The following NSMCE1 variants were observed in gnomAD, a reference collection of about 807,000 sequenced individuals.
The protein encoded by NSMCE1 is NSE1 component of SMC5/6 complex, also known as non-structural maintenance of chromosomes element 1 homolog.
NSMCE1 carries 18 observed loss-of-function variants against 29.6 expected under a neutral mutation model. The ratio of observed to expected loss-of-function variants is 0.61; its 90% confidence interval spans 0.42 to 0.90. NSMCE1 has a LOEUF of 0.90. Ranked by LOEUF, NSMCE1 falls within the 40% of genes least tolerant of loss-of-function variation. NSMCE1 has a pLI of 0.00. For missense variants in NSMCE1, 314 were observed against 343.6 expected, an observed-to-expected ratio of 0.91 and a Z score of 0.68; for synonymous variants, 124 against 133.4, an observed-to-expected ratio of 0.93 and a Z score of 0.49.
chr16:27,237,442 G>A (rs1324069896), intron 2 of NSMCE1, among the ~76,000 whole-genome samples: 1 of 152,238 alleles, frequency 6.6e-6, no homozygotes, highest in African/African-American at 2.4e-5. Context: ...GCAGCTCTTT[G>A]CTGGCGTGGG....
At chr16:27,231,274 T>C (rs748141883) in intron 5 of NSMCE1, among the ~76,000 whole-genome samples, 2 of 152,224 alleles carry the variant, frequency 1.3e-5, no homozygotes, top group Non-Finnish European at 2.9e-5. Context: ...ATTGAGCAGT[T>C]GAGGTGCCAG....
chr16:27,237,941 C>T (rs866153178), intron 2 of NSMCE1, among the ~76,000 whole-genome samples: 5 of 152,292 alleles, frequency 3.3e-5, no homozygotes, highest in Middle Eastern at 6.8e-3. Flanking sequence ...CCGTTCTCTC[C>T]GCTATCGCCC....
Position 27,226,768 on chromosome 16 carries a change from G to A in NSMCE1, c.552C>T (p.Tyr184=). The A allele has an allele frequency of 6.2e-7, 1 of 1,613,974 alleles. No individual in the cohort carries two copies. The highest frequency in any genetic ancestry group is 2.2e-5 in the East Asian group (1 of 44,886). ...TATTGCAGATCTTCACCGCGTCGGGGTACGTCTCCCGGATGTATTGCTCCA... is the reference window on the plus strand; with the variant it reads ...TATTGCAGATCTTCACCGCGTCGGGATACGTCTCCCGGATGTATTGCTCCA... The part of the protein sequence containing the change: ...LEMEQYIRET[Y]PDAVKICNIC... Residue 184 remains tyrosine, a synonymous_variant, in exon 6 of 8, where the codon TAC becomes TAT. Coordinates refer to ENST00000361439, the MANE Select transcript of NSMCE1 (RefSeq NM_145080.4).
chr16:27,266,255 A>G (rs1220594829), intron 1 of NSMCE1: 2 of 152,246 alleles, frequency 1.3e-5, no homozygotes, highest in Non-Finnish European at 2.9e-5. Flanking sequence ...AATAACAGCC[A>G]AAATAAATGT....
intron 2 of NSMCE1, among the ~76,000 whole-genome samples, chr16:27,236,140 G>A (rs749558396): frequency 6.6e-6 from 1 of 152,136 alleles, no homozygotes; most frequent in Non-Finnish European, 1.5e-5. Context: ...TATTGCCGGG[G>A]GCTCAGCTGA....
At chr16:27,247,798 A>G (rs2083973173) in intron 2 of NSMCE1, among the ~76,000 whole-genome samples, 2 of 152,060 alleles carry the variant, frequency 1.3e-5, no homozygotes, top group Non-Finnish European at 2.9e-5. Context: ...GTGGTGGCAC[A>G]CACCTGTAGT....
chr16:27,251,169 T>TATATATATATATATATATATAA (rs201322789), intron 2 of NSMCE1, among the ~76,000 whole-genome samples: 1 of 52,608 alleles, frequency 1.9e-5, no homozygotes. Flanking sequence ...AATATATATA[T>TATATATATATATATATATATAA]ATATATATAT....
intron 3 of NSMCE1, 76 bp downstream of exon 3, chr16:27,235,102 C>T: frequency 2.7e-6 from 4 of 1,480,768 alleles, no homozygotes; most frequent in Non-Finnish European, 3.7e-6. Context: ...GAAATCAAAC[C>T]AAAGCAAACA....
intron 2 of NSMCE1, among the ~76,000 whole-genome samples, chr16:27,256,503 G>A (rs904079534): frequency 2.6e-5 from 4 of 152,094 alleles, no homozygotes; most frequent in Non-Finnish European, 5.9e-5. Context: ...CAATGAAAAC[G>A]ATTTTGTACT....
chr16:27,251,769 T>C (rs2084037919), intron 2 of NSMCE1, among the ~76,000 whole-genome samples: 1 of 152,230 alleles, frequency 6.6e-6, no homozygotes, highest in South Asian at 2.1e-4. Flanking sequence ...ATCCTTCAAC[T>C]AGTTCTCTCC....
intron 2 of NSMCE1, among the ~76,000 whole-genome samples, chr16:27,249,905 T>C (rs1395236357): frequency 6.6e-6 from 1 of 152,236 alleles, no homozygotes; most frequent in Non-Finnish European, 1.5e-5. Context: ...ATGCTATGTC[T>C]TTCCACTTAT....
At chr16:27,229,861 G>A (rs1156417146) in intron 5 of NSMCE1, among the ~76,000 whole-genome samples, 1 of 152,188 alleles carries the variant, frequency 6.6e-6, no homozygotes, top group Admixed American at 6.5e-5. Flanking sequence ...TTACAGGTTT[G>A]AGCCACTGCA....
intron 2 of NSMCE1, among the ~76,000 whole-genome samples, chr16:27,242,733 G>A (rs2083908130): frequency 6.6e-6 from 1 of 152,218 alleles, no homozygotes; most frequent in African/African-American, 2.4e-5. Context: ...TACTGATGCT[G>A]TTCATACACA....
At chr16:27,264,944 G>T (rs1361703059) in intron 1 of NSMCE1, among the ~76,000 whole-genome samples, 1 of 152,062 alleles carries the variant, frequency 6.6e-6, no homozygotes, top group East Asian at 1.9e-4. Flanking sequence ...AAACACAACT[G>T]TAAAAGAGAA....
chr16:27,258,970 G>A (rs1449294981), intron 1 of NSMCE1, among the ~76,000 whole-genome samples: 9 of 151,856 alleles, frequency 5.9e-5, no homozygotes, highest in African/African-American at 1.2e-4. Flanking sequence ...GGCTGGCCTC[G>A]AACTCCTGAC....
Position 27,235,246 on chromosome 16 carries a change from A to G in NSMCE1, c.190T>C (p.Leu64=). Residue 64 remains leucine (L), a synonymous_variant, in exon 3 of 8, where the codon TTG becomes CTG. Coordinates refer to ENST00000361439, the MANE Select transcript of NSMCE1 (RefSeq NM_145080.4). ...EDFINNINSV[L]ESLYIEIKRG... Reference sequence around the variant, plus strand: ...TTTATCTCAATATACAAGGACTCCAAGACACTGTTAATGTTGTTGATGAAG... The same window carrying G: ...TTTATCTCAATATACAAGGACTCCAGGACACTGTTAATGTTGTTGATGAAG... 6.2e-7 allele frequency: 1 copy of G among 1,613,562 alleles called. No homozygotes were observed. The highest frequency in any genetic ancestry group is 8.5e-7 in the Non-Finnish European group (1 of 1,179,568).
intron 2 of NSMCE1, among the ~76,000 whole-genome samples, chr16:27,240,305 G>A (rs1220253077): frequency 1.3e-5 from 2 of 152,224 alleles, no homozygotes; most frequent in Non-Finnish European, 2.9e-5. Flanking sequence ...ACCTGATTAG[G>A]ACACCAGAGG....
chr16:27,241,692 C>T, intron 2 of NSMCE1: 1 of 256,216 alleles, frequency 3.9e-6, no homozygotes, highest in South Asian at 3.5e-5. Flanking sequence ...CTGGGAAGAG[C>T]CGGGTGGAAG....
At chr16:27,237,516 G>C (rs1440881535) in intron 2 of NSMCE1, among the ~76,000 whole-genome samples, 1 of 152,230 alleles carries the variant, frequency 6.6e-6, no homozygotes, top group Non-Finnish European at 1.5e-5. Context: ...CCACCCCCAA[G>C]GGGAGCCAAC....
Sources: gnomAD v4.1 joint callset for allele counts (sites outside exome capture counted in the v4.1 genomes callset) on GRCh38, gnomAD v4.1.1 for gene constraint, MANE v1.5 for transcripts, NCBI Gene and HGNC (gene_info 2026-07-23, HGNC 2026-07-21) for gene names.